Variants in PKD1L1 observed in about 807,000 individuals in gnomAD.
PKD1L1 encodes polycystin 1 like 1, transient receptor potential channel interacting, also known as polycystin-1-like protein 1.
Under a neutral mutation model 323.4 loss-of-function variants are expected in PKD1L1, and 236 were observed. That is an observed-to-expected ratio of 0.73 (90% CI 0.66 to 0.81). The LOEUF is 0.81. Ranked by LOEUF, PKD1L1 falls within the 40% of genes least tolerant of loss-of-function variation. The pLI is 0.00. For synonymous variants in PKD1L1, 1,344 were observed against 1,335.0 expected (o/e 1.01, Z -0.15); for missense variants, 3,320 against 3,508.0 (o/e 0.95, Z 1.35).
chr7:47,820,952 C>G, intron 46 of PKD1L1, 124 bp downstream of exon 46: 1 of 607,846 alleles, frequency 1.6e-6, no homozygotes, highest in Non-Finnish European at 2.9e-6. Flanking sequence ...TTTATTACTA[C>G]CAGGGAAATG....
chr7:47,897,163 G>A (rs1449915139), intron 14 of PKD1L1, among the ~76,000 whole-genome samples: 1 of 152,196 alleles, frequency 6.6e-6, no homozygotes, highest in Non-Finnish European at 1.5e-5. Flanking sequence ...CAGATTGGGA[G>A]GATTTGCTTC....
At chr7:47,884,995 T>C (rs1786650618) in intron 18 of PKD1L1, among the ~76,000 whole-genome samples, 1 of 152,198 alleles carries the variant, frequency 6.6e-6, no homozygotes, top group African/African-American at 2.4e-5. Flanking sequence ...AGCGAGTCTT[T>C]TACTGTTCTT....
At chr7:47,813,045 G>A (rs1391041133) in intron 49 of PKD1L1, 76 bp downstream of exon 49, 15 of 1,523,652 alleles carry the variant, frequency 9.8e-6, no homozygotes, top group South Asian at 8.7e-5. Flanking sequence ...CTGCAGATGC[G>A]CTGCGTCCAG....
At chr7:47,908,785 G>A (rs1416087060) in intron 8 of PKD1L1, among the ~76,000 whole-genome samples, 1 of 151,954 alleles carries the variant, frequency 6.6e-6, no homozygotes, top group South Asian at 2.1e-4. Flanking sequence ...TTCACCCCTC[G>A]AATCAGTGCT....
At chr7:47,801,506 G>A (rs1319700258) in intron 53 of PKD1L1, among the ~76,000 whole-genome samples, 2 of 152,172 alleles carry the variant, frequency 1.3e-5, no homozygotes, top group Non-Finnish European at 2.9e-5. Context: ...CAGACCATCA[G>A]GCGGTCGTCC....
intron 22 of PKD1L1, among the ~76,000 whole-genome samples, chr7:47,876,589 A>G (rs1786407847): frequency 6.6e-6 from 1 of 151,880 alleles, no homozygotes; most frequent in South Asian, 2.1e-4. Context: ...AGCAGGAGGG[A>G]GGGGTCGGGG....
intron 15 of PKD1L1, among the ~76,000 whole-genome samples, chr7:47,891,200 T>C (rs1786809180): frequency 6.6e-6 from 1 of 152,122 alleles, no homozygotes; most frequent in Non-Finnish European, 1.5e-5. Context: ...GAAGAAAATG[T>C]ATTTGGGAGG....
chr7:47,833,397 G>A, intron 40 of PKD1L1, 145 bp from the exon 41 acceptor site: 2 of 886,634 alleles, frequency 2.3e-6, no homozygotes, highest in South Asian at 3.5e-5. Flanking sequence ...AAAGACTTCT[G>A]AGGGAGGAAG....
intron 7 of PKD1L1, among the ~76,000 whole-genome samples, chr7:47,916,805 C>T (rs1488032301): frequency 1.3e-5 from 2 of 152,194 alleles, no homozygotes; most frequent in Non-Finnish European, 2.9e-5. Context: ...GGAACACCCA[C>T]AGGACAAAAG....
chr7:47,850,273 TCTTTAAATGTG>T (rs1469120372), intron 31 of PKD1L1, among the ~76,000 whole-genome samples: 1 of 152,226 alleles, frequency 6.6e-6, no homozygotes, highest in Non-Finnish European at 1.5e-5. Context: ...AATACATACA[TCTTTAAATGTG>T]CTTTAGACAT....
At chr7:47,811,301 C>G (rs1784889025) in intron 50 of PKD1L1, among the ~76,000 whole-genome samples, 1 of 152,068 alleles carries the variant, frequency 6.6e-6, no homozygotes, top group Non-Finnish European at 1.5e-5. Context: ...ATTACAGGTG[C>G]ATGCCACCAT....
At chr7:47,863,629 A>C (rs2128743313) in intron 26 of PKD1L1, among the ~76,000 whole-genome samples, 1 of 152,334 alleles carries the variant, frequency 6.6e-6, no homozygotes. Flanking sequence ...AATGGGGAGC[A>C]GAAGGTGTCC....
intron 56 of PKD1L1, among the ~76,000 whole-genome samples, chr7:47,788,577 A>ATTTTTTTTT (rs34984408): frequency 7.2e-6 from 1 of 138,062 alleles, no homozygotes; most frequent in Non-Finnish European, 1.6e-5. Flanking sequence ...ATATATATAT[A>ATTTTTTTTT]TTTTTTTTTT....
chr7:47,820,254 A>C (rs1183869235), intron 46 of PKD1L1, among the ~76,000 whole-genome samples: 3 of 152,226 alleles, frequency 2.0e-5, no homozygotes, highest in African/African-American at 7.2e-5. Flanking sequence ...TGGAAAAGAA[A>C]TATGACACAA....
chr7:47,835,503 C>T (rs936830936), intron 37 of PKD1L1, among the ~76,000 whole-genome samples: 22 of 152,154 alleles, frequency 1.4e-4, no homozygotes, highest in African/African-American at 5.3e-4. Context: ...CGGGTTCAAG[C>T]GATTCTCCTG....
chr7:47,813,233 C>A lies in PKD1L1; in HGVS notation c.7234G>T (p.Gly2412Ter). The A allele has an allele frequency of 6.2e-7, 1 of 1,614,158 alleles. No homozygotes were observed. The change falls in exon 49 of 57, where the codon GGA becomes TGA. Residue 2412 changes from glycine (G) to a stop codon, truncating the protein, a stop_gained. Transcript: ENST00000289672. LOFTEE classifies it high-confidence loss of function. ...ATCAGGTAGGGGTTCTCAGGGCCTCCAACTTCGGGACTACATGTAGGAATA... is the reference window on the plus strand; with the variant it reads ...ATCAGGTAGGGGTTCTCAGGGCCTCAAACTTCGGGACTACATGTAGGAATA... ...DSIPTCSPEV[G>*]GPENPYLIDP...
intron 7 of PKD1L1, among the ~76,000 whole-genome samples, chr7:47,920,147 T>C (rs1451046998): frequency 2.0e-5 from 3 of 152,014 alleles, no homozygotes; most frequent in Non-Finnish European, 4.4e-5. Context: ...CTAGAATTGA[T>C]AAAAGAATGC....
intron 25 of PKD1L1, 106 bp downstream of exon 25, chr7:47,866,313 C>T (rs766579506): frequency 1.3e-4 from 160 of 1,229,628 alleles, no homozygotes; most frequent in Non-Finnish European, 1.6e-4. Context: ...TCATTTCTTG[C>T]CTGTGTTTCA....
At chr7:47,781,769 T>C (rs1869321) in intron 56 of PKD1L1, among the ~76,000 whole-genome samples, 57,946 of 151,946 alleles carry the variant, frequency 0.38, 11,706 homozygotes, top group East Asian at 0.77. Flanking sequence ...TTTTTTCTCC[T>C]GCAAATTTGA....
Sources: gnomAD v4.1 joint callset for allele counts (sites outside exome capture counted in the v4.1 genomes callset) on GRCh38, gnomAD v4.1.1 for gene constraint, MANE v1.5 for transcripts, NCBI Gene and HGNC (gene_info 2026-07-23, HGNC 2026-07-21) for gene names.